Variants in IQSEC3 observed in about 807,000 individuals in gnomAD.
IQSEC3 encodes IQ motif and Sec7 domain ArfGEF 3, also known as IQ motif and SEC7 domain-containing protein 3.
In IQSEC3, 50 loss-of-function variants were observed where a neutral mutation model predicts 105.4. That is an observed-to-expected ratio of 0.47 (90% confidence interval 0.38 to 0.60). IQSEC3 has a LOEUF of 0.60. IQSEC3 is among the 20% of genes least tolerant of loss of function. The pLI, the probability that IQSEC3 is intolerant of heterozygous loss-of-function variation, is 0.00. For synonymous variants in IQSEC3, 708 were observed against 746.0 expected (o/e 0.95, Z 0.83); for missense variants, 1,415 against 1,630.0 (o/e 0.87, Z 2.27).
At chr12:87,998 G>A (rs1236712673) in intron 1 of IQSEC3, among the ~76,000 whole-genome samples, 1 of 152,246 alleles carries the variant, frequency 6.6e-6, no homozygotes, top group Non-Finnish European at 1.5e-5. Context: ...ACTATGGCGG[G>A]CCCTTGCAGG....
chr12:156,593 G>GC (rs1352228018), intron 5 of IQSEC3, among the ~76,000 whole-genome samples: 1 of 152,182 alleles, frequency 6.6e-6, no homozygotes, highest in Non-Finnish European at 1.5e-5. Flanking sequence ...GGAGGACTCA[G>GC]CCCCCTCAAG....
Position 175,095 on chromosome 12 carries a change from T to C in IQSEC3, c.*62T>C. 1 of 1,255,664 alleles carries C rather than the reference T, an allele frequency of 8.0e-7. No individual in the cohort carries two copies. Among genetic ancestry groups the C allele is most frequent in the Non-Finnish European group, 1.1e-6 (1 of 929,646 alleles). 77.8% of individuals were successfully genotyped at this position (1,255,664 alleles called of 1,614,324 possible). On this transcript the variant is annotated 3_prime_UTR_variant, in exon 14 of 14. Coordinates refer to ENST00000538872, the MANE Select transcript of IQSEC3 (RefSeq NM_001170738.2). ...GCCACTGGGGGGCCTGGGCTGCCCC[T>C]CCACTGCTCCCCATACCCTGGCACG...
rs1461707658 is a variant in IQSEC3 at position 174,809 on chromosome 12, C to T, written c.3325C>T (p.Arg1109Cys). Residue 1109 changes from arginine to cysteine, a missense_variant, in exon 14 of 14, where the codon CGC becomes TGC. Physicochemically the swap from Arg to Cys is radical, Grantham distance 180. Transcript: ENST00000538872. Reference protein sequence around the residue: ...VIVLDKPCLARMEPLLSQALS... With the variant: ...VIVLDKPCLACMEPLLSQALS... ...TGTCCTGGACAAGCCCTGCCTGGCC[C>T]GCATGGAGCCCCTGCTGAGCCAGGC... 3.8e-6 allele frequency: 6 copies of T among 1,583,780 alleles called. No individual in the cohort carries two copies. Among genetic ancestry groups the T allele is most frequent in the Admixed American group, 1.7e-5 (1 of 58,354 alleles).
At chr12:72,054 T>C (rs1863340218) in intron 1 of IQSEC3, among the ~76,000 whole-genome samples, 1 of 152,272 alleles carries the variant, frequency 6.6e-6, no homozygotes, top group Non-Finnish European at 1.5e-5. Flanking sequence ...CATCCCATGG[T>C]CTCTGGGAAA....
intron 5 of IQSEC3, among the ~76,000 whole-genome samples, chr12:145,525 C>T (rs1378005806): frequency 6.6e-6 from 1 of 152,238 alleles, no homozygotes; most frequent in East Asian, 1.9e-4. Context: ...CCTCCTCAAA[C>T]ATGACTCAAA....
chr12:159,999 T>C (rs1310371745), intron 7 of IQSEC3, among the ~76,000 whole-genome samples: 1 of 152,182 alleles, frequency 6.6e-6, no homozygotes, highest in African/African-American at 2.4e-5. Flanking sequence ...ATTCCTGCTG[T>C]CATATTTTTC....
At chr12:116,099 T>C (rs1442311082) in intron 2 of IQSEC3, among the ~76,000 whole-genome samples, 2 of 152,218 alleles carry the variant, frequency 1.3e-5, no homozygotes, top group Non-Finnish European at 2.9e-5. Flanking sequence ...AAAGAGAAGA[T>C]AGTTGCTACT....
At chr12:165,631 G>A in intron 10 of IQSEC3, 98 bp downstream of exon 10, 1 of 1,561,570 alleles carries the variant, frequency 6.4e-7, no homozygotes, top group Non-Finnish European at 8.8e-7. Context: ...CAGAGTGGGT[G>A]GAGGCATGAG....
In IQSEC3 at chr12:160,284, G is replaced by A. The variant is rs190040380; in HGVS notation, c.2444-1642G>A. Among the ~76,000 whole-genome samples, 422 of 152,162 alleles carry A rather than the reference G, an allele frequency of 2.8e-3. 3 individuals carry two copies. Among genetic ancestry groups the A allele is most frequent in the Admixed American group, 4.6e-3 (70 of 15,288 alleles). ...ATTTAAGAGTGAGCCACCAGAAAGC[G>A]GATGAATGACTCTGTGAACACAGGT... On this transcript the variant is annotated intron_variant, in intron 7 of 13. Coordinates refer to ENST00000538872, the MANE Select transcript of IQSEC3 (RefSeq NM_001170738.2).
rs781846490 is a variant in IQSEC3 at position 157,615 on chromosome 12, C to G, written c.2364C>G (p.Leu788=). The change falls in exon 7 of 14, where the codon CTC becomes CTG. Residue 788 remains leucine, a synonymous_variant. Coordinates refer to ENST00000538872, the MANE Select transcript of IQSEC3 (RefSeq NM_001170738.2). Reference sequence around the variant, plus strand: ...TCATCCTCGCCTTCGCCATCATCCTCCTCAACACCGACATGTACAGCCCCA... The same window carrying G: ...TCATCCTCGCCTTCGCCATCATCCTGCTCAACACCGACATGTACAGCCCCA... ...TIFILAFAII[L]LNTDMYSPNI... 5 of 1,614,248 alleles carry G rather than the reference C, an allele frequency of 3.1e-6. No individual in the cohort carries two copies. The highest frequency in any genetic ancestry group is 4.2e-6 in the Non-Finnish European group (5 of 1,180,048).
Position 174,779 on chromosome 12 carries a change from G to A in IQSEC3, c.3295G>A (p.Val1099Ile), listed in dbSNP as rs775523405. The A allele has an allele frequency of 6.3e-7, 1 of 1,589,484 alleles. No homozygotes were observed. Among genetic ancestry groups the A allele is most frequent in the East Asian group, 2.2e-5 (1 of 44,572 alleles). The change falls in exon 14 of 14, where the codon GTC becomes ATC. Residue 1099 changes from valine (V) to isoleucine (I), a missense_variant. This residue lies in a region of IQSEC3 where 419 missense variants were observed against 436.2 expected (regional missense o/e 0.96). Coordinates refer to ENST00000538872, the MANE Select transcript of IQSEC3 (RefSeq NM_001170738.2). ...TLVQCQQIVK[V>I]IVLDKPCLAR... ...GGTGCAGTGCCAGCAAATTGTCAAG[G>A]TCATTGTCCTGGACAAGCCCTGCCT...
chr12:109,845 G>A (rs1400998073), intron 2 of IQSEC3, among the ~76,000 whole-genome samples: 3 of 152,070 alleles, frequency 2.0e-5, no homozygotes, highest in South Asian at 2.1e-4. Flanking sequence ...GCTCTCGCTC[G>A]TTTTCTTTTT....
intron 5 of IQSEC3, among the ~76,000 whole-genome samples, chr12:151,470 C>G (rs1866506870): frequency 6.6e-6 from 1 of 152,188 alleles, no homozygotes; most frequent in South Asian, 2.1e-4. Context: ...CTGCTCCTGC[C>G]TTAGCCCAAG....
intron 8 of IQSEC3, among the ~76,000 whole-genome samples, chr12:162,414 G>A (rs1441240271): frequency 1.3e-5 from 2 of 152,114 alleles, no homozygotes; most frequent in African/African-American, 2.4e-5. Context: ...CTGATGAGTG[G>A]AAGGCAGGAA....
intron 2 of IQSEC3, among the ~76,000 whole-genome samples, chr12:124,806 C>A (rs1363471852): frequency 1.3e-5 from 2 of 152,170 alleles, no homozygotes; most frequent in Non-Finnish European, 2.9e-5. Context: ...CTGAGGGAAC[C>A]AACTCTACAA....
At chr12:157,471 G>GC in intron 6 of IQSEC3, 57 bp from the exon 7 acceptor site, 1 of 1,495,868 alleles carries the variant, frequency 6.7e-7, no homozygotes, top group South Asian at 1.3e-5. Context: ...CCTTTGTTGG[G>GC]CCCGGGGGAG....
At chr12:174,544 C>A (rs1032660773) in intron 13 of IQSEC3, 55 bp from the exon 14 acceptor site, 30 of 1,458,950 alleles carry the variant, frequency 2.1e-5, no homozygotes, top group Non-Finnish European at 6.4e-6. Flanking sequence ...CCTGTCCTAG[C>A]AGCTGGGAAT....
At chr12:126,572 T>TGTGTGTGTGC (rs1260117695) in intron 3 of IQSEC3, among the ~76,000 whole-genome samples, 5 of 151,384 alleles carry the variant, frequency 3.3e-5, no homozygotes, top group Admixed American at 6.6e-5. Context: ...TGTGTGTGTG[T>TGTGTGTGTGC]GCGCTTAGAG....
chr12:162,002 G>A lies in IQSEC3; in HGVS notation c.2520G>A (p.Lys840=). 1 of 1,613,814 alleles carries A rather than the reference G, an allele frequency of 6.2e-7. No homozygotes were observed. The change falls in exon 8 of 14, where the codon AAG becomes AAA. Residue 840 remains lysine (K), a synonymous_variant. Transcript: ENST00000538872. ...AGAGGATACAGCAGAAGGAGCTCAAGTCCAATGAGGACCACGTCACGTACG... is the reference window on the plus strand; with the variant it reads ...AGAGGATACAGCAGAAGGAGCTCAAATCCAATGAGGACCACGTCACGTACG... The part of the protein sequence containing the change: ...IYERIQQKEL[K]SNEDHVTYVT...
Sources: gnomAD v4.1 joint callset for allele counts (sites outside exome capture counted in the v4.1 genomes callset) on GRCh38, gnomAD v4.1.1 for gene constraint, gnomAD v4.1.1 regional missense constraint, MANE v1.5 for transcripts, NCBI Gene and HGNC (gene_info 2026-07-23, HGNC 2026-07-21) for gene names.